ZFYVE9: variants seen among roughly 807,000 people sequenced by gnomAD.
The protein encoded by ZFYVE9 is zinc finger FYVE-type containing 9, also known as zinc finger FYVE domain-containing protein 9.
In ZFYVE9, 43 loss-of-function variants were observed where a neutral mutation model predicts 126.7. The ratio of observed to expected loss-of-function variants is 0.34; its 90% CI spans 0.27 to 0.44. The LOEUF (loss-of-function observed/expected upper bound fraction) is 0.44, where lower values mean the gene tolerates loss of function less well. Ranked by LOEUF, ZFYVE9 falls within the 20% of genes least tolerant of loss-of-function variation. The probability of loss-of-function intolerance (pLI) is 1.00; values close to 1 mark genes in which losing one functional copy is unlikely to be tolerated. For synonymous variants in ZFYVE9, 521 were observed against 597.4 expected (o/e 0.87, Z 1.87); for missense variants, 1,476 against 1,697.0 (o/e 0.87, Z 2.29).
At chr1:52,253,100 G>A (rs1170100271) in intron 4 of ZFYVE9, among the ~76,000 whole-genome samples, 1 of 152,156 alleles carries the variant, frequency 6.6e-6, no homozygotes, top group Non-Finnish European at 1.5e-5. Flanking sequence ...GCTGCAGTGA[G>A]CTGTGCTCAC....
chr1:52,155,238 T>C (rs1006344288), intron 1 of ZFYVE9, among the ~76,000 whole-genome samples: 8 of 131,926 alleles, frequency 6.1e-5, no homozygotes, highest in Admixed American at 3.0e-4. Context: ...TTTTTTCTTT[T>C]TTTTTTTTTT....
Position 52,295,956 on chromosome 1 carries a change from T to C in ZFYVE9, c.3312T>C (p.His1104=), listed in dbSNP as rs1235360297. The C allele has an allele frequency of 2.5e-6, 4 of 1,613,800 alleles. No individual in the cohort carries two copies. In the Admixed American group the frequency reaches 5.0e-5, roughly 20 times the overall value. Reference sequence around the variant, plus strand: ...AGCCATTGTTTGGAGAGACGGGGCATACCATCATGAATCTTCTTGCAGTAA... The same window carrying C: ...AGCCATTGTTTGGAGAGACGGGGCACACCATCATGAATCTTCTTGCAGTAA... The part of the protein sequence containing the change: ...FRKPLFGETG[H]TIMNLLADFR... The change falls in exon 12 of 19, where the codon CAT becomes CAC. Residue 1104 remains histidine (H), a synonymous_variant. Coordinates refer to ENST00000287727, the MANE Select transcript of ZFYVE9 (RefSeq NM_004799.4).
At chr1:52,322,810 T>C (rs1220793278) in intron 13 of ZFYVE9, among the ~76,000 whole-genome samples, 1 of 151,940 alleles carries the variant, frequency 6.6e-6, no homozygotes, top group East Asian at 1.9e-4. Flanking sequence ...GTGATCTCTT[T>C]TTTTCTTTTT....
intron 5 of ZFYVE9, among the ~76,000 whole-genome samples, 174 bp from the exon 6 acceptor site, chr1:52,266,481 T>C (rs1190358533): frequency 5.3e-5 from 8 of 150,550 alleles, no homozygotes; most frequent in Non-Finnish European, 1.2e-4. Flanking sequence ...CTTGGCTAAA[T>C]GGTCTCCTTT....
chr1:52,153,301 A>C (rs555032702), intron 1 of ZFYVE9, among the ~76,000 whole-genome samples: 2 of 152,236 alleles, frequency 1.3e-5, no homozygotes, highest in Non-Finnish European at 2.9e-5. Flanking sequence ...AAATGTAGAA[A>C]GAGATTAGTG....
chr1:52,328,061 C>T (rs1010155067), intron 13 of ZFYVE9, among the ~76,000 whole-genome samples: 1 of 151,752 alleles, frequency 6.6e-6, no homozygotes, highest in Non-Finnish European at 1.5e-5. Context: ...AGTAGTCCTA[C>T]ATGTAAGCAG....
chr1:52,163,290 A>G (rs79422777), intron 1 of ZFYVE9, among the ~76,000 whole-genome samples: 94 of 152,318 alleles, frequency 6.2e-4, no homozygotes, highest in African/African-American at 2.1e-3. Context: ...AACATTAACT[A>G]TGCCCTTGAA....
intron 1 of ZFYVE9, among the ~76,000 whole-genome samples, chr1:52,171,222 A>G (rs1007600907): frequency 1.3e-5 from 2 of 151,918 alleles, no homozygotes; most frequent in Non-Finnish European, 2.9e-5. Flanking sequence ...TCATTGTTCA[A>G]TTCCCATCTA....
Position 52,187,780 on chromosome 1 carries a change from A to G in ZFYVE9, c.-142-28589A>G, listed in dbSNP as rs114106315. 3.9e-3 allele frequency among the ~76,000 whole-genome samples: 600 copies of G among 152,366 alleles called. 12 individuals are homozygous for G. The South Asian group carries it at 0.043, about 11-fold the overall frequency. On this transcript the variant is annotated intron_variant, in intron 1 of 18. Coordinates refer to ENST00000287727, the MANE Select transcript of ZFYVE9 (RefSeq NM_004799.4). ...CCATCTCACACCAGTCAGAGTGGCT[A>G]TTGTTAAAAAGTCAATTAATAACAG...
intron 2 of ZFYVE9, among the ~76,000 whole-genome samples, chr1:52,230,160 G>A (rs1645205119): frequency 1.3e-5 from 2 of 152,100 alleles, no homozygotes; most frequent in African/African-American, 2.4e-5. Flanking sequence ...GAGCCTCCGC[G>A]CCCTGCCTAG....
At chr1:52,219,967 G>A (rs1168310999) in intron 2 of ZFYVE9, among the ~76,000 whole-genome samples, 5 of 151,842 alleles carry the variant, frequency 3.3e-5, no homozygotes, top group Non-Finnish European at 2.9e-5. Context: ...TAGTAGAGAC[G>A]GGGTTTCACC....
intron 1 of ZFYVE9, among the ~76,000 whole-genome samples, chr1:52,186,396 T>C (rs1644766089): frequency 6.6e-6 from 1 of 152,128 alleles, no homozygotes; most frequent in Non-Finnish European, 1.5e-5. Context: ...AAGCATTCCC[T>C]TGAAAACTGG....
At chr1:52,220,391 C>T (rs1404246277) in intron 2 of ZFYVE9, among the ~76,000 whole-genome samples, 1 of 152,118 alleles carries the variant, frequency 6.6e-6, no homozygotes, top group African/African-American at 2.4e-5. Context: ...GGCAGTTGTG[C>T]TTGGGAAGGG....
chr1:52,235,276 GTTAAT>G (rs1294490457), intron 3 of ZFYVE9, among the ~76,000 whole-genome samples: 2 of 152,112 alleles, frequency 1.3e-5, no homozygotes, highest in Non-Finnish European at 2.9e-5. Flanking sequence ...CTCATTTTGT[GTTAAT>G]TTATTTTCTC....
At chr1:52,180,512 CT>C in intron 1 of ZFYVE9, 1 of 770,732 alleles carries the variant, frequency 1.3e-6, no homozygotes, top group South Asian at 1.5e-5. Context: ...CAGTGCAATG[CT>C]CTGTCCCCAT....
chr1:52,230,034 A>G (rs1032371821), intron 2 of ZFYVE9, among the ~76,000 whole-genome samples: 1 of 151,816 alleles, frequency 6.6e-6, no homozygotes, highest in Admixed American at 6.6e-5. Context: ...CGTCCAGCTA[A>G]TTTTTTTGTA....
chr1:52,243,832 A>T (rs1317529594), intron 4 of ZFYVE9, among the ~76,000 whole-genome samples: 1 of 151,976 alleles, frequency 6.6e-6, no homozygotes, highest in African/African-American at 2.4e-5. Flanking sequence ...TCATGTAAGG[A>T]GCACAGTGGG....
chr1:52,166,488 ATT>A (rs1163657186), intron 1 of ZFYVE9, among the ~76,000 whole-genome samples: 1 of 152,170 alleles, frequency 6.6e-6, no homozygotes, highest in Non-Finnish European at 1.5e-5. Flanking sequence ...GATAAACTCT[ATT>A]GAGTGTTTAA....
intron 4 of ZFYVE9, among the ~76,000 whole-genome samples, chr1:52,255,951 TTCTTTTCTTTTCTTTTC>T (rs1215599139): frequency 8.5e-6 from 1 of 117,288 alleles, no homozygotes; most frequent in Non-Finnish European, 1.6e-5. Context: ...TTCTTTTCTT[TTCTTTTCTTTTCTTTTC>T]TTTCTTTCTT....
Sources: gnomAD v4.1 joint callset for allele counts (sites outside exome capture counted in the v4.1 genomes callset) on GRCh38, gnomAD v4.1.1 for gene constraint, MANE v1.5 for transcripts, NCBI Gene and HGNC (gene_info 2026-07-23, HGNC 2026-07-21) for gene names.